NT5DC1: variants seen among roughly 807,000 people sequenced by gnomAD.
NT5DC1 encodes 5'-nucleotidase domain containing 1.
Under a neutral mutation model 59.4 loss-of-function variants are expected in NT5DC1, and 42 were observed. The observed-to-expected ratio is 0.71, with a 90% CI of 0.55 to 0.92. The LOEUF is 0.92. NT5DC1 is among the 40% of genes least tolerant of loss of function. The pLI is 0.00. For missense variants in NT5DC1, 501 were observed against 537.1 expected, an observed-to-expected ratio of 0.93 and a Z score of 0.66; for synonymous variants, 172 against 188.1, an observed-to-expected ratio of 0.91 and a Z score of 0.70.
chr6:116,114,544 G>A (rs1346254120), intron 4 of NT5DC1, among the ~76,000 whole-genome samples: 1 of 126,120 alleles, frequency 7.9e-6, no homozygotes, highest in Non-Finnish European at 1.7e-5. Context: ...GGAGGGGGGG[G>A]GAGTCAAAAT....
intron 8 of NT5DC1, among the ~76,000 whole-genome samples, chr6:116,229,512 C>T (rs1781972583): frequency 6.6e-6 from 1 of 152,154 alleles, no homozygotes; most frequent in Non-Finnish European, 1.5e-5. Flanking sequence ...TGAGCTCCTC[C>T]CTCCAGTCTG....
chr6:116,233,652 A>G (rs1298482955), intron 8 of NT5DC1, among the ~76,000 whole-genome samples: 1 of 152,208 alleles, frequency 6.6e-6, no homozygotes, highest in Non-Finnish European at 1.5e-5. Context: ...ATAAGGAGGC[A>G]AAGTGCATTC....
chr6:116,122,743 T>C (rs1779170657), intron 6 of NT5DC1, among the ~76,000 whole-genome samples: 2 of 152,248 alleles, frequency 1.3e-5, no homozygotes, highest in African/African-American at 2.4e-5. Context: ...TTGGAAAACA[T>C]TTGGTGTATA....
chr6:116,101,035 G>T lies in NT5DC1; in HGVS notation c.93+12G>T, dbSNP rs1490406858. 2 of 1,565,362 alleles carry T rather than the reference G, an allele frequency of 1.3e-6. No individual in the cohort carries two copies. The highest frequency in any genetic ancestry group is 2.8e-5 in the African/African-American group (2 of 71,122). ...CCGAGAGCGCCCCGGTGAGTGGCGC[G>T]GGCTCCGGGGCGCACTGCGCGCAAC... is the stretch of plus-strand genomic sequence containing the variant. On this transcript the variant is annotated intron_variant, in intron 1 of 11. Transcript: ENST00000319550.
intron 8 of NT5DC1, among the ~76,000 whole-genome samples, chr6:116,231,996 G>T (rs1465774411): frequency 6.6e-6 from 1 of 152,118 alleles, no homozygotes; most frequent in Non-Finnish European, 1.5e-5. Context: ...TTATTTCTTT[G>T]CAGTTCTGCA....
intron 11 of NT5DC1, among the ~76,000 whole-genome samples, chr6:116,242,847 A>T (rs1421315993): frequency 6.6e-5 from 10 of 152,164 alleles, no homozygotes; most frequent in Non-Finnish European, 1.5e-4. Flanking sequence ...CAGTGGTCCT[A>T]GCCCCTCAAT....
intron 6 of NT5DC1, among the ~76,000 whole-genome samples, chr6:116,179,310 G>A (rs549218487): frequency 6.6e-6 from 1 of 152,086 alleles, no homozygotes; most frequent in South Asian, 2.1e-4. Flanking sequence ...AATGGCAGGA[G>A]GATTTACATT....
Position 116,106,333 on chromosome 6 carries a change from C to A in NT5DC1, c.183C>A (p.Phe61Leu). 23 of 1,234,596 alleles carry A rather than the reference C, an allele frequency of 1.9e-5. No individual in the cohort carries two copies. The highest frequency in any genetic ancestry group is 2.5e-5 in the Non-Finnish European group (22 of 869,972). The allele number at this position is 1,234,596 out of a possible 1,614,324, so 76.5% of individuals were successfully genotyped here. A position where few individuals can be genotyped will look rare whatever the true frequency, so the allele number is the denominator to read the frequency against. Reference sequence around the variant, plus strand: ...ATGTGACCCCAGAGGATTGGGATTTCTGGTAAGTTCTTTTTTTTTTTTTTT... The same window carrying A: ...ATGTGACCCCAGAGGATTGGGATTTATGGTAAGTTCTTTTTTTTTTTTTTT... ...LLNVTPEDWD[F>L]CCKGLALDLE... is the part of the protein sequence containing the mutation. Residue 61 changes from phenylalanine to leucine, a missense_variant and splice_region_variant, in exon 2 of 12, where the codon TTC becomes TTA. Transcript: ENST00000319550.
At chr6:116,231,535 G>A (rs1782021162) in intron 8 of NT5DC1, among the ~76,000 whole-genome samples, 1 of 152,210 alleles carries the variant, frequency 6.6e-6, no homozygotes, top group African/African-American at 2.4e-5. Flanking sequence ...GCAGAGACTT[G>A]AGCCATCTCA....
intron 6 of NT5DC1, chr6:116,137,451 C>A: frequency 6.0e-6 from 1 of 167,772 alleles, no homozygotes; most frequent in East Asian, 1.6e-4. Context: ...GTACACCTGG[C>A]CTTTGTGCAG....
intron 6 of NT5DC1, among the ~76,000 whole-genome samples, chr6:116,217,171 T>C (rs1781702039): frequency 6.6e-6 from 1 of 151,506 alleles, no homozygotes; most frequent in African/African-American, 2.4e-5. Flanking sequence ...AATATTCAGG[T>C]TGTACTATAC....
At chr6:116,241,620 GAATATTA>G (rs1443275876) in intron 11 of NT5DC1, among the ~76,000 whole-genome samples, 8 of 152,022 alleles carry the variant, frequency 5.3e-5, no homozygotes, top group African/African-American at 1.9e-4. Context: ...GGAGATGAGA[GAATATTA>G]AGAATCAGCA....
chr6:116,117,868 A>G lies in NT5DC1; in HGVS notation c.452A>G (p.Asn151Ser), dbSNP rs150257749. 62 of 1,546,778 alleles carry G rather than the reference A, an allele frequency of 4.0e-5. No individual in the cohort carries two copies. The highest frequency in any genetic ancestry group is 3.3e-4 in the African/African-American group (24 of 73,560). The change falls in exon 6 of 12, where the codon AAT (asparagine) becomes AGT (serine). Residue 151 changes from asparagine to serine, a missense_variant. Coordinates refer to ENST00000319550, the MANE Select transcript of NT5DC1 (RefSeq NM_152729.3). ...RVVDYLTKLN[N>S]GQKTFDFWKD... ...TTGGAATTATTTTTTCAGCTGAACAATGGTCAAAAAACATTTGATTTTTGG... is the reference window on the plus strand; with the variant it reads ...TTGGAATTATTTTTTCAGCTGAACAGTGGTCAAAAAACATTTGATTTTTGG...
At chr6:116,221,793 G>A (rs563229155) in intron 7 of NT5DC1, among the ~76,000 whole-genome samples, 1 of 152,132 alleles carries the variant, frequency 6.6e-6, no homozygotes, top group Non-Finnish European at 1.5e-5. Flanking sequence ...CTTCAATTTT[G>A]CCGTCATAAA....
chr6:116,101,049 A>G (rs1161689740), intron 1 of NT5DC1, 26 bp downstream of exon 1: 5 of 1,509,720 alleles, frequency 3.3e-6, no homozygotes, highest in Non-Finnish European at 4.5e-6. Flanking sequence ...TCCGGGGCGC[A>G]CTGCGCGCAA....
intron 6 of NT5DC1, among the ~76,000 whole-genome samples, chr6:116,124,851 T>TG (rs1562127012): frequency 6.6e-6 from 1 of 152,176 alleles, no homozygotes; most frequent in Admixed American, 6.5e-5. Flanking sequence ...TGTTCATTGT[T>TG]GGGGGGGAGG....
chr6:116,123,956 A>G (rs1050065791), intron 6 of NT5DC1, among the ~76,000 whole-genome samples: 1 of 152,194 alleles, frequency 6.6e-6, no homozygotes, highest in Non-Finnish European at 1.5e-5. Flanking sequence ...CATGGAAACT[A>G]TTGAATCCAG....
At chr6:116,170,680 A>C (rs1780584230) in intron 6 of NT5DC1, among the ~76,000 whole-genome samples, 1 of 152,248 alleles carries the variant, frequency 6.6e-6, no homozygotes, top group South Asian at 2.1e-4. Context: ...TAGCATACAT[A>C]GCCCTGGCTG....
intron 6 of NT5DC1, among the ~76,000 whole-genome samples, chr6:116,178,466 A>C (rs1780801722): frequency 6.6e-6 from 1 of 152,184 alleles, no homozygotes; most frequent in African/African-American, 2.4e-5. Flanking sequence ...AGTGGTCAAA[A>C]CCTGGACCAG....
Sources: allele counts gnomAD v4.1 joint callset (sites outside exome capture counted in the v4.1 genomes callset), GRCh38; gene constraint gnomAD v4.1.1; transcripts MANE v1.5; gene names NCBI Gene and HGNC (gene_info 2026-07-23, HGNC 2026-07-21).